The following MAK variants were observed in gnomAD, a reference collection of about 807,000 sequenced individuals.
MAK encodes serine/threonine-protein kinase MAK.
MAK carries 65 observed loss-of-function variants against 82.6 expected under a neutral mutation model. The observed-to-expected ratio is 0.79, with a 90% CI of 0.64 to 0.97. The LOEUF (loss-of-function observed/expected upper bound fraction) is 0.97, where lower values mean the gene tolerates loss of function less well. MAK is among the 50% of genes least tolerant of loss of function. The pLI is 0.00. For missense variants in MAK, 703 were observed against 780.2 expected (o/e 0.90, Z 1.18); for synonymous variants, 250 against 274.2 (o/e 0.91, Z 0.87).
chr6:10,784,005 C>T (rs549869058), intron 11 of MAK, among the ~76,000 whole-genome samples: 20 of 151,758 alleles, frequency 1.3e-4, no homozygotes, highest in African/African-American at 4.1e-4. Context: ...GGCGACAGAG[C>T]GAGAATCTGT....
chr6:10,806,224 G>T (rs1341103843), intron 6 of MAK, among the ~76,000 whole-genome samples: 7 of 150,976 alleles, frequency 4.6e-5, no homozygotes, highest in African/African-American at 1.7e-4. Flanking sequence ...GCCCAGGCTG[G>T]AGTGCAATGG....
intron 2 of MAK, chr6:10,827,607 C>CA (rs1778482436): frequency 6.6e-6 from 1 of 152,188 alleles, no homozygotes; most frequent in East Asian, 1.9e-4. Context: ...TACTAATTCA[C>CA]ATTAATATGA....
At chr6:10,828,566 T>C (rs1431624826) in intron 2 of MAK, among the ~76,000 whole-genome samples, 1 of 152,114 alleles carries the variant, frequency 6.6e-6, no homozygotes, top group Non-Finnish European at 1.5e-5. Flanking sequence ...TAGGCCCAAA[T>C]CTGATATGAC....
intron 6 of MAK, among the ~76,000 whole-genome samples, chr6:10,808,067 C>CAA (rs796923196): frequency 6.8e-6 from 1 of 147,376 alleles, no homozygotes; most frequent in Admixed American, 6.8e-5. Flanking sequence ...AACTCCATCT[C>CAA]AAAAAAAAAA....
In MAK at chr6:10,801,968, T is replaced by C. The variant is rs371639894; in HGVS notation, c.755A>G (p.Asn252Ser). ...GAGCTGAATAGCTTCATTACTGGCA[T>C]TGGGAATAAGAGTTTTTAAGTTTAT... ...VPINLKTLIP[N>S]ASNEAIQLMT... is the part of the protein sequence containing the mutation. The change falls in exon 8 of 15, where the codon AAT becomes AGT. Residue 252 changes from asparagine to serine, a missense_variant. Asn to Ser is a conservative substitution (Grantham distance 46). Transcript: ENST00000354489. 285 of 1,613,992 alleles carry C rather than the reference T, an allele frequency of 1.8e-4. 1 individual carries two copies. The highest frequency in any genetic ancestry group is 1.5e-3 in the Middle Eastern group (9 of 6,062).
chr6:10,769,774 A>T (rs1413198516), intron 14 of MAK, among the ~76,000 whole-genome samples: 2 of 152,210 alleles, frequency 1.3e-5, no homozygotes, highest in African/African-American at 4.8e-5. Context: ...GACCTCAGGT[A>T]AGTTACTTCA....
chr6:10,819,921 G>A (rs1045558991), intron 2 of MAK, among the ~76,000 whole-genome samples: 11 of 151,744 alleles, frequency 7.2e-5, no homozygotes, highest in African/African-American at 2.7e-4. Context: ...GACCATCCTC[G>A]CTAACACAGT....
chr6:10,820,138 A>G (rs1045651580), intron 2 of MAK, among the ~76,000 whole-genome samples: 4 of 151,968 alleles, frequency 2.6e-5, no homozygotes, highest in Non-Finnish European at 4.4e-5. Context: ...AAAAAACAGG[A>G]TTCATATTCT....
At chr6:10,787,968 C>T (rs1289337254) in intron 10 of MAK, among the ~76,000 whole-genome samples, 1 of 151,634 alleles carries the variant, frequency 6.6e-6, no homozygotes, top group African/African-American at 2.4e-5. Context: ...AAGAAATTTA[C>T]TAATTGTTCC....
chr6:10,806,239 A>G (rs1483302646), intron 6 of MAK, among the ~76,000 whole-genome samples: 1 of 147,706 alleles, frequency 6.8e-6, no homozygotes, highest in East Asian at 2.0e-4. Context: ...CAATGGCGCG[A>G]TCTCGGGTCA....
chr6:10,837,705 T>C (rs186309013), intron 1 of MAK, among the ~76,000 whole-genome samples: 29 of 152,360 alleles, frequency 1.9e-4, no homozygotes, highest in African/African-American at 5.5e-4. Context: ...CCTTGTAGGA[T>C]TGAGATTACT....
At chr6:10,833,606 A>AAATAAT (rs36209814) in intron 1 of MAK, among the ~76,000 whole-genome samples, 3,712 of 147,758 alleles carry the variant, frequency 0.025, 44 homozygotes, top group Middle Eastern at 0.085. Context: ...CTCTGTCTCA[A>AAATAAT]AATAATAATA....
intron 2 of MAK, among the ~76,000 whole-genome samples, chr6:10,830,323 G>A (rs1318058244): frequency 6.6e-6 from 1 of 151,234 alleles, no homozygotes. Context: ...GTGCCACCAT[G>A]CCTGGCTAAG....
At chr6:10,791,957 C>G in intron 9 of MAK, 110 bp from the exon 10 acceptor site, 1 of 1,223,244 alleles carries the variant, frequency 8.2e-7, no homozygotes, top group Non-Finnish European at 1.2e-6. Context: ...AAGGAGCGTT[C>G]CATACATGTA....
rs147251038 is a variant in MAK, at chr6:10,764,550, G to C, written c.1849C>G (p.Pro617Ala). 6.2e-5 allele frequency: 100 copies of C among 1,614,022 alleles called. 2 individuals carry two copies. The highest frequency in any genetic ancestry group is 2.5e-5 in the Non-Finnish European group (29 of 1,179,958). ...ACAATATTTAGGTTTTTTGCTGTAG[G>C]ATTATAAGTACGTCCTGAAAACTGC... ...RGQFSGRTYN[P>A]TAKNLNIVNR... Residue 617 changes from proline (P) to alanine (A), a missense_variant, in exon 15 of 15, where the codon CCT becomes GCT. Coordinates refer to ENST00000354489, the MANE Select transcript of MAK (RefSeq NM_001242957.3).
chr6:10,810,484 C>T (rs1204948428), intron 5 of MAK, among the ~76,000 whole-genome samples: 5 of 151,422 alleles, frequency 3.3e-5, no homozygotes, highest in Middle Eastern at 3.2e-3. Flanking sequence ...GGATTACAGG[C>T]GTCTGCCACC....
chr6:10,810,485 G>A (rs944537778), intron 5 of MAK, among the ~76,000 whole-genome samples: 3 of 151,416 alleles, frequency 2.0e-5, no homozygotes, highest in East Asian at 1.9e-4. Flanking sequence ...GATTACAGGC[G>A]TCTGCCACCA....
At chr6:10,778,635 C>T (rs1312518452) in intron 11 of MAK, among the ~76,000 whole-genome samples, 1 of 151,816 alleles carries the variant, frequency 6.6e-6, no homozygotes, top group East Asian at 1.9e-4. Flanking sequence ...AGTAAGGCTG[C>T]AGCAAGAACA....
In MAK at chr6:10,764,557, A is replaced by T; in HGVS notation, c.1842T>A (p.Thr614=). The T allele has an allele frequency of 6.2e-7, 1 of 1,614,090 alleles. No individual in the cohort carries two copies. The highest frequency in any genetic ancestry group is 8.5e-7 in the Non-Finnish European group (1 of 1,179,986). The part of the protein sequence containing the change: ...KTGRGQFSGR[T]YNPTAKNLNI... Reference sequence around the variant, plus strand: ...TTAGGTTTTTTGCTGTAGGATTATAAGTACGTCCTGAAAACTGCCCCCGAC... The same window carrying T: ...TTAGGTTTTTTGCTGTAGGATTATATGTACGTCCTGAAAACTGCCCCCGAC... The change falls in exon 15 of 15, where the codon ACT becomes ACA. Residue 614 remains threonine (T), a synonymous_variant. Coordinates refer to ENST00000354489, the MANE Select transcript of MAK (RefSeq NM_001242957.3).
Sources: allele counts gnomAD v4.1 joint callset (sites outside exome capture counted in the v4.1 genomes callset), GRCh38; gene constraint gnomAD v4.1.1; transcripts MANE v1.5; gene names NCBI Gene and HGNC (gene_info 2026-07-23, HGNC 2026-07-21).